The following RAB37 variants were observed in gnomAD, a reference collection of about 807,000 sequenced individuals.
The protein encoded by RAB37 is ras-related protein Rab-37.
A neutral mutation model predicts 33.1 loss-of-function variants in RAB37; 29 were observed. The observed-to-expected ratio is 0.88, with a 90% CI of 0.65 to 1.20. RAB37 has a LOEUF of 1.20. Ranked by LOEUF, RAB37 falls within the 50% of genes most tolerant of loss-of-function variation. RAB37 has a pLI of 0.00. For synonymous variants in RAB37, 128 were observed against 119.5 expected (o/e 1.07, Z -0.47); for missense variants, 299 against 301.1 (o/e 0.99, Z 0.05).
intron 1 of RAB37, among the ~76,000 whole-genome samples, chr17:74,713,820 T>C (rs932727762): frequency 6.8e-6 from 1 of 147,246 alleles, no homozygotes; most frequent in Admixed American, 7.0e-5. Context: ...CTCAGCACTT[T>C]AGGAGGCTGA....
intron 1 of RAB37, chr17:74,704,250 A>C: frequency 3.7e-6 from 2 of 545,810 alleles, no homozygotes; most frequent in South Asian, 4.6e-5. Flanking sequence ...CAGAGGTAAA[A>C]AATGTGCCTA....
At chr17:74,674,834 A>G (rs2031788591) in intron 1 of RAB37, among the ~76,000 whole-genome samples, 1 of 152,106 alleles carries the variant, frequency 6.6e-6, no homozygotes, top group African/African-American at 2.4e-5. Context: ...CCCACATTCC[A>G]CTTGCCAAAC....
At chr17:74,734,060 A>G (rs2034431376), upstream of RAB37, among the ~76,000 whole-genome samples, 1 of 152,082 alleles carries the variant, frequency 6.6e-6, no homozygotes, top group South Asian at 2.1e-4. Flanking sequence ...TTCCAAACCC[A>G]CCATAGGACA....
At chr17:74,718,014 A>T (rs2034188749) in intron 1 of RAB37, among the ~76,000 whole-genome samples, 1 of 151,364 alleles carries the variant, frequency 6.6e-6, no homozygotes, top group Non-Finnish European at 1.5e-5. Context: ...CCACACAATC[A>T]GCAGGGCATA....
At chr17:74,689,399 C>A (rs1013113078) in intron 1 of RAB37, among the ~76,000 whole-genome samples, 4 of 151,558 alleles carry the variant, frequency 2.6e-5, no homozygotes, top group Non-Finnish European at 4.4e-5. Context: ...GCCAAGATTG[C>A]GCCACTGCAC....
At chr17:74,719,707 G>C (rs2034213473) in intron 1 of RAB37, among the ~76,000 whole-genome samples, 1 of 151,984 alleles carries the variant, frequency 6.6e-6, no homozygotes, top group South Asian at 2.1e-4. Context: ...TTGTAGAATA[G>C]GGTCTTCCTA....
chr17:74,712,999 G>T, intron 1 of RAB37: 1 of 897,274 alleles, frequency 1.1e-6, no homozygotes, highest in East Asian at 2.7e-5. Context: ...ATGGGTGAAA[G>T]AGACTAAAAG....
intron 1 of RAB37, among the ~76,000 whole-genome samples, chr17:74,675,810 A>G (rs1320606189): frequency 2.6e-5 from 4 of 152,204 alleles, no homozygotes; most frequent in Non-Finnish European, 5.9e-5. Context: ...CAATAGTTGG[A>G]GGCTGACCCA....
In RAB37 at chr17:74,712,745, C is replaced by T. The variant is rs373467251; in HGVS notation, c.73-16511C>T. On this transcript the variant is annotated intron_variant, in intron 1 of 7. Transcript: ENST00000340415. The stretch of plus-strand genomic sequence containing the variant: ...CATGCCATTAAGGACACCTTCTGGC[C>T]GGGTCCCTTCTTCCCTCTCTCAGCC... 1.9e-5 allele frequency: 28 copies of T among 1,466,518 alleles called. 1 individual carries two copies. The highest frequency in any genetic ancestry group is 1.6e-4 in the South Asian group (14 of 87,750). The allele number at this position is 1,466,518 out of a possible 1,614,324, so 90.8% of individuals were successfully genotyped here.
At chr17:74,704,418 C>A in intron 1 of RAB37, 1 of 1,234,634 alleles carries the variant, frequency 8.1e-7, no homozygotes. Flanking sequence ...TGAGTAGGAC[C>A]TCAGAGACCA....
intron 1 of RAB37, among the ~76,000 whole-genome samples, chr17:74,704,981 G>T (rs1163643876): frequency 2.6e-5 from 4 of 152,066 alleles, no homozygotes; most frequent in Non-Finnish European, 5.9e-5. Flanking sequence ...CTTTCCACTG[G>T]GTCAAAGCCA....
intron 1 of RAB37, among the ~76,000 whole-genome samples, chr17:74,697,964 C>T (rs1463831608): frequency 1.3e-5 from 2 of 152,122 alleles, no homozygotes; most frequent in Non-Finnish European, 2.9e-5. Flanking sequence ...GTGTTTGTGT[C>T]TGTTTCTCCC....
intron 1 of RAB37, among the ~76,000 whole-genome samples, chr17:74,686,761 G>A (rs1313334746): frequency 1.3e-5 from 2 of 152,122 alleles, no homozygotes; most frequent in African/African-American, 2.4e-5. Flanking sequence ...CCACCTGCCA[G>A]ACAGCTGGAT....
At chr17:74,697,489 AG>A (rs1340795373) in intron 1 of RAB37, among the ~76,000 whole-genome samples, 2 of 152,244 alleles carry the variant, frequency 1.3e-5, no homozygotes, top group Non-Finnish European at 2.9e-5. Context: ...ATTTTGAAAA[AG>A]CATCACAGAA....
chr17:74,730,780 G>A lies in RAB37; in HGVS notation c.183+1414G>A, dbSNP rs1289949129. 6.6e-6 allele frequency among the ~76,000 whole-genome samples: 1 copy of A among 152,230 alleles called. No individual in the cohort carries two copies. Among genetic ancestry groups the A allele is most frequent in the African/African-American group, 2.4e-5 (1 of 41,454 alleles). On this transcript the variant is annotated intron_variant, in intron 2 of 7. Coordinates refer to the RAB37 transcript ENST00000340415. This position sits in a 1 kb window ranked among gnomAD's most constrained non-coding sequence, Gnocchi z 4.4. Reference sequence around the variant, plus strand: ...CTGCCTGTCTGGTGAGGAAGGAAGAGAGTGGGGTGGATGTGGCTGTGGACA... The same window carrying A: ...CTGCCTGTCTGGTGAGGAAGGAAGAAAGTGGGGTGGATGTGGCTGTGGACA...
In RAB37 at chr17:74,712,926, A is replaced by G; in HGVS notation, c.73-16330A>G. 1.9e-6 allele frequency: 3 copies of G among 1,552,712 alleles called. No homozygotes were observed. In the South Asian group the frequency reaches 3.4e-5, roughly 17 times the overall value. On this transcript the variant is annotated intron_variant, in intron 1 of 7. Coordinates refer to the RAB37 transcript ENST00000340415. Reference sequence around the variant, plus strand: ...GAGCCTGGCAGCAGGAACAAACTACAGACTCCCAGCCTTCTGCTGGTACTC... The same window carrying G: ...GAGCCTGGCAGCAGGAACAAACTACGGACTCCCAGCCTTCTGCTGGTACTC...
chr17:74,704,231 T>G, intron 1 of RAB37: 1 of 457,648 alleles, frequency 2.2e-6, no homozygotes, highest in South Asian at 3.4e-5. Context: ...CCTCAGGCAC[T>G]GAGCTGTGCA....
chr17:74,737,209 G>C, upstream of RAB37: 1 of 1,532,244 alleles, frequency 6.5e-7, no homozygotes, highest in Non-Finnish European at 8.7e-7. Flanking sequence ...CGGGGCGGGG[G>C]TGGGGCCGTT....
intron 1 of RAB37, among the ~76,000 whole-genome samples, chr17:74,674,232 G>T (rs1166208136): frequency 6.6e-6 from 1 of 151,992 alleles, no homozygotes; most frequent in Non-Finnish European, 1.5e-5. Context: ...GTGCCACCAT[G>T]CCTGGCTAAT....
Sources: gnomAD v4.1 joint callset for allele counts (sites outside exome capture counted in the v4.1 genomes callset) on GRCh38, gnomAD v4.1.1 for gene constraint, Gnocchi (gnomAD v3.1) non-coding constraint, MANE v1.5 for transcripts, NCBI Gene and HGNC (gene_info 2026-07-23, HGNC 2026-07-21) for gene names.